Variants in TYK2 observed in about 807,000 individuals in gnomAD.
TYK2 encodes the protein tyrosine kinase 2.
Under a neutral mutation model 130.9 loss-of-function variants are expected in TYK2, and 65 were observed. The ratio of observed to expected loss-of-function variants is 0.50; its 90% CI spans 0.41 to 0.61. The LOEUF (loss-of-function observed/expected upper bound fraction) is 0.61. Ranked by LOEUF, TYK2 falls within the 20% of genes least tolerant of loss-of-function variation. The pLI, the probability that TYK2 is intolerant of heterozygous loss-of-function variation, is 0.00. For synonymous variants in TYK2, 647 were observed against 658.9 expected, an observed-to-expected ratio of 0.98 and a Z score of 0.28; for missense variants, 1,378 against 1,610.7, an observed-to-expected ratio of 0.86 and a Z score of 2.47.
At position 10,353,240 on chromosome 19, in the gene TYK2, C is replaced by T; in HGVS notation, c.3028-142G>A. On this transcript the variant is annotated intron_variant, in intron 21 of 24. Coordinates refer to ENST00000525621, the MANE Select transcript of TYK2 (RefSeq NM_003331.5). The surrounding 1 kb of genome is among the most constrained non-coding windows in gnomAD (Gnocchi z 6.9). Reference sequence around the variant, plus strand: ...GGCCGCTGGAGAGGGCCGGATGGCACGTGGCACCAAGCAAAAGGAGGCTGA... The same window carrying T: ...GGCCGCTGGAGAGGGCCGGATGGCATGTGGCACCAAGCAAAAGGAGGCTGA... 1 of 669,880 alleles carries T rather than the reference C, an allele frequency of 1.5e-6. No homozygotes were observed. The highest frequency in any genetic ancestry group is 2.3e-6 in the Non-Finnish European group (1 of 432,476). 41.5% of individuals were successfully genotyped at this position (669,880 alleles called of 1,614,324 possible).
At chr19:10,352,302 G>T (rs2040848058) in intron 23 of TYK2, 132 bp downstream of exon 23, 1 of 720,862 alleles carries the variant, frequency 1.4e-6, no homozygotes, top group Non-Finnish European at 2.5e-6. Context: ...TCGATCTCCT[G>T]ACCTCGTGAT....
chr19:10,369,448 T>C (rs1203535931), intron 3 of TYK2, among the ~76,000 whole-genome samples: 6 of 151,932 alleles, frequency 3.9e-5, no homozygotes, highest in Non-Finnish European at 1.5e-5. Context: ...AGCCTCAACC[T>C]CCAGGGCTCA....
At chr19:10,369,592 T>G (rs1415380296) in intron 3 of TYK2, among the ~76,000 whole-genome samples, 3 of 152,082 alleles carry the variant, frequency 2.0e-5, no homozygotes, top group Non-Finnish European at 4.4e-5. Flanking sequence ...CCAAAACAGA[T>G]CGGTCACCAA....
intron 23 of TYK2, among the ~76,000 whole-genome samples, chr19:10,352,030 G>A (rs1462556541): frequency 2.0e-5 from 3 of 151,058 alleles, no homozygotes; most frequent in African/African-American, 4.9e-5. Flanking sequence ...CAGCCACCGC[G>A]CCCGGCCTAT....
intron 3 of TYK2, among the ~76,000 whole-genome samples, chr19:10,372,281 C>G (rs190090525): frequency 5.5e-5 from 8 of 146,478 alleles, no homozygotes; most frequent in African/African-American, 1.7e-4. Context: ...GCGTGAGCCA[C>G]GGCGCCCGGC....
chr19:10,359,232 C>T lies in TYK2; in HGVS notation c.2118G>A (p.Val706=), dbSNP rs1167221581. 3 of 1,610,318 alleles carry T rather than the reference C, an allele frequency of 1.9e-6. No homozygotes were observed. The Admixed American group carries it at 5.0e-5, about 27-fold the overall frequency. The change falls in exon 15 of 25, where the codon GTG becomes GTA. Residue 706 remains valine (V), a synonymous_variant. Transcript: ENST00000525621. ...CCACCACCATCTTCCAAGCCATGGG[C>T]ACATGGCCCCGCTCCCTCCGCAGCC... The part of the protein sequence containing the change: ...DVWLRRERGH[V]PMAWKMVVAQ...
At position 10,364,801 on chromosome 19, in the gene TYK2, T is replaced by G; in HGVS notation, c.1210-30A>C. On this transcript the variant is annotated intron_variant, in intron 8 of 24. Coordinates refer to ENST00000525621, the MANE Select transcript of TYK2 (RefSeq NM_003331.5). This position sits in a 1 kb window ranked among gnomAD's most constrained non-coding sequence, Gnocchi z 4.9. ...CAGCCAGGGGCGCATCAGGTGGGTG[T>G]CCTCCCAGGCCATGATGGGCCCTAG... 6.2e-7 allele frequency: 1 copy of G among 1,613,892 alleles called. No homozygotes were observed. The highest frequency in any genetic ancestry group is 8.5e-7 in the Non-Finnish European group (1 of 1,180,020).
Position 10,358,074 on chromosome 19 carries a change from A to G in TYK2, c.2240T>C (p.Leu747Ser), listed in dbSNP as rs766849246. ...GATGAAGGGGCTGGTGCCCTCTGCC[A>G]ACCCCAGCCGGGCCAGCAGGATGTT... ...GRNILLARLG[L>S]AEGTSPFIKL... The change falls in exon 16 of 25, where the codon TTG (leucine) becomes TCG (serine). Residue 747 changes from leucine (L) to serine (S), a missense_variant. Coordinates refer to ENST00000525621, the MANE Select transcript of TYK2 (RefSeq NM_003331.5). The G allele has an allele frequency of 5.0e-6, 8 of 1,613,084 alleles. No individual in the cohort carries two copies. Among genetic ancestry groups the G allele is most frequent in the Non-Finnish European group, 6.8e-6 (8 of 1,179,860 alleles).
chr19:10,352,104 G>A (rs897529337), intron 23 of TYK2, among the ~76,000 whole-genome samples: 2 of 148,932 alleles, frequency 1.3e-5, no homozygotes, highest in Non-Finnish European at 3.0e-5. Context: ...ACGGAGTCTC[G>A]CTCTGTCACC....
intron 3 of TYK2, among the ~76,000 whole-genome samples, chr19:10,377,578 G>C (rs2145360104): frequency 7.9e-6 from 1 of 125,866 alleles, no homozygotes; most frequent in African/African-American, 3.0e-5. Flanking sequence ...GTGGGTGGGT[G>C]GATGGATGGA....
At chr19:10,357,531 C>T in intron 17 of TYK2, 1 of 722,906 alleles carries the variant, frequency 1.4e-6, no homozygotes, top group Non-Finnish European at 2.5e-6. Context: ...CTGCCTAAAA[C>T]TGAAATCAAG....
chr19:10,362,119 G>C lies in TYK2; in HGVS notation c.1732C>G (p.Gln578Glu). ...RASPRTLNLS[Q>E]LSFHRVDQKE... Reference sequence around the variant, plus strand: ...TGGTCAACCCGGTGGAAGCTGAGCTGGCTGAGGTTGAGTGTCCTGGGGCTG... The same window carrying C: ...TGGTCAACCCGGTGGAAGCTGAGCTCGCTGAGGTTGAGTGTCCTGGGGCTG... Residue 578 changes from glutamine (Q) to glutamate (E), a missense_variant, in exon 12 of 25, where the codon CAG becomes GAG. Transcript: ENST00000525621. 1 of 1,614,104 alleles carries C rather than the reference G, an allele frequency of 6.2e-7. No homozygotes were observed. Among genetic ancestry groups the C allele is most frequent in the East Asian group, 2.2e-5 (1 of 44,870 alleles).
intron 3 of TYK2, among the ~76,000 whole-genome samples, chr19:10,376,884 G>A (rs928352906): frequency 3.3e-5 from 5 of 151,826 alleles, no homozygotes; most frequent in African/African-American, 1.2e-4. Context: ...TTACAGGCAT[G>A]AGCCACCGCG....
chr19:10,350,602 A>G lies in TYK2; in HGVS notation c.*232T>C. Reference sequence around the variant, plus strand: ...CTCAAGTTTGGAAGCTGGGGGATTTAAGGGCTGGATTAGTGCCCCTACAAA... The same window carrying G: ...CTCAAGTTTGGAAGCTGGGGGATTTGAGGGCTGGATTAGTGCCCCTACAAA... On this transcript the variant is annotated 3_prime_UTR_variant, in exon 25 of 25. Transcript: ENST00000525621. 1.8e-6 allele frequency: 1 copy of G among 545,388 alleles called. No homozygotes were observed. The highest frequency in any genetic ancestry group is 3.3e-6 in the Non-Finnish European group (1 of 304,362). 33.8% of individuals were successfully genotyped at this position (545,388 alleles called of 1,614,324 possible).
chr19:10,355,901 G>A (rs2041077183), intron 18 of TYK2, among the ~76,000 whole-genome samples: 1 of 152,064 alleles, frequency 6.6e-6, no homozygotes. Context: ...GACGGAGGTT[G>A]CAGTGAGCCA....
chr19:10,371,658 T>C (rs1599360293), intron 3 of TYK2, among the ~76,000 whole-genome samples: 1 of 152,080 alleles, frequency 6.6e-6, no homozygotes, highest in East Asian at 1.9e-4. Context: ...AGTTATGAAC[T>C]GTAAATGTGT....
chr19:10,355,676 A>G (rs2041062437), intron 18 of TYK2, among the ~76,000 whole-genome samples: 1 of 150,290 alleles, frequency 6.7e-6, no homozygotes, highest in African/African-American at 2.5e-5. Context: ...AAAAAAAAAG[A>G]AAATAGGTCA....
Position 10,364,643 on chromosome 19 carries a change from G to A in TYK2, c.1338C>T (p.Ser446=), listed in dbSNP as rs2145240273. The change falls in exon 9 of 25, where the codon AGC becomes AGT. Residue 446 remains serine, a synonymous_variant. Coordinates refer to ENST00000525621, the MANE Select transcript of TYK2 (RefSeq NM_003331.5). The surrounding 1 kb of genome is among the most constrained non-coding windows in gnomAD (Gnocchi z 4.9). ...HEVAPPRLVM[S]IRDGIHGPLL... ...GGGGTCCGTGGATCCCATCCCGGAT[G>A]CTCATCACCAGCCGTGGGGGAGCCA... The A allele has an allele frequency of 1.2e-6, 2 of 1,613,834 alleles. No individual in the cohort carries two copies. The highest frequency in any genetic ancestry group is 2.2e-5 in the East Asian group (1 of 44,878).
Position 10,366,568 on chromosome 19 carries a change from A to C in TYK2, c.478T>G (p.Phe160Val). 6.2e-7 allele frequency: 1 copy of C among 1,614,008 alleles called. No homozygotes were observed. The highest frequency in any genetic ancestry group is 1.1e-5 in the South Asian group (1 of 91,078). The stretch of plus-strand genomic sequence containing the variant: ...CACAGTGATGCCACGTCATTCACAA[A>C]CTCATGCTTGCCCTGGGAACAGGAA... ...EYLFEQGKHE[F>V]VNDVASLWEL... is the part of the protein sequence containing the mutation. The change falls in exon 6 of 25, where the codon TTT (phenylalanine) becomes GTT (valine). Residue 160 changes from phenylalanine (F) to valine (V), a missense_variant. Physicochemically the swap from Phe to Val is conservative, Grantham distance 50. Coordinates refer to ENST00000525621, the MANE Select transcript of TYK2 (RefSeq NM_003331.5).
Sources: gnomAD v4.1 joint callset for allele counts (sites outside exome capture counted in the v4.1 genomes callset) on GRCh38, gnomAD v4.1.1 for gene constraint, Gnocchi (gnomAD v3.1) non-coding constraint, MANE v1.5 for transcripts, NCBI Gene and HGNC (gene_info 2026-07-23, HGNC 2026-07-21) for gene names.